The following PALM2AKAP2 variants were observed in gnomAD, a reference collection of about 807,000 sequenced individuals.
The protein encoded by PALM2AKAP2 is PALM2-AKAP2 fusion protein.
PALM2AKAP2 carries 37 observed loss-of-function variants against 71.5 expected under a neutral mutation model. The observed-to-expected ratio is 0.52, with a 90% CI of 0.40 to 0.68. PALM2AKAP2 has a LOEUF of 0.68. Among genes scored for constraint, PALM2AKAP2 ranks in the 30% least tolerant of loss-of-function variants. PALM2AKAP2 has a pLI of 0.00. For synonymous variants in PALM2AKAP2, 468 were observed against 478.8 expected (o/e 0.98, Z 0.29); for missense variants, 1,224 against 1,191.8 (o/e 1.03, Z -0.40).
chr9:109,674,878 A>T (rs1354657910), intron 1 of PALM2AKAP2, among the ~76,000 whole-genome samples: 1 of 151,846 alleles, frequency 6.6e-6, no homozygotes, highest in Non-Finnish European at 1.5e-5. Context: ...TTGACTTATA[A>T]TTTTTTTTAC....
chr9:109,676,858 T>C (rs993568882), intron 1 of PALM2AKAP2, among the ~76,000 whole-genome samples: 1 of 152,216 alleles, frequency 6.6e-6, no homozygotes, highest in Non-Finnish European at 1.5e-5. Context: ...GTTGTGTGTA[T>C]GCATTAAGCA....
At chr9:109,642,093 G>C (rs7872748) in intron 1 of PALM2AKAP2, among the ~76,000 whole-genome samples, 31,527 of 152,034 alleles carry the variant, frequency 0.21, 3,336 homozygotes, top group African/African-American at 0.27. Context: ...GCATTATTGA[G>C]AGGATCATGT....
chr9:109,825,060 C>A (rs760381886), intron 1 of PALM2AKAP2, among the ~76,000 whole-genome samples: 2 of 152,100 alleles, frequency 1.3e-5, no homozygotes, highest in South Asian at 2.1e-4. Flanking sequence ...TACACATTTC[C>A]AAAGAATTTA....
intron 1 of PALM2AKAP2, among the ~76,000 whole-genome samples, chr9:109,803,103 G>GA (rs66989853): frequency 9.3e-5 from 14 of 150,474 alleles, no homozygotes; most frequent in South Asian, 4.2e-4. Context: ...GGTTTTTGGG[G>GA]AAAAAAAAAG....
chr9:109,891,910 G>A (rs1830099329), intron 3 of PALM2AKAP2, among the ~76,000 whole-genome samples: 2 of 152,156 alleles, frequency 1.3e-5, no homozygotes, highest in Admixed American at 1.3e-4. Flanking sequence ...CTCCCTGGAT[G>A]GAGGGTGAAG....
intron 1 of PALM2AKAP2, among the ~76,000 whole-genome samples, chr9:109,671,484 C>G (rs1827571886): frequency 6.6e-6 from 1 of 152,062 alleles, no homozygotes; most frequent in Non-Finnish European, 1.5e-5. Context: ...GTACCAGTAC[C>G]ATGTTGTTTT....
chr9:109,673,451 C>T (rs1414813955), intron 1 of PALM2AKAP2, among the ~76,000 whole-genome samples: 1 of 152,012 alleles, frequency 6.6e-6, no homozygotes, highest in Non-Finnish European at 1.5e-5. Flanking sequence ...AATTTGATTG[C>T]TCTGTAGTCT....
At chr9:109,990,131 G>A (rs955392184) in intron 6 of PALM2AKAP2, among the ~76,000 whole-genome samples, 1 of 148,992 alleles carries the variant, frequency 6.7e-6, no homozygotes, top group Non-Finnish European at 1.5e-5. Flanking sequence ...GAGTGCAGTG[G>A]TATGATTTTG....
intron 1 of PALM2AKAP2, among the ~76,000 whole-genome samples, chr9:109,695,852 A>G (rs950784565): frequency 2.0e-5 from 3 of 152,178 alleles, no homozygotes; most frequent in African/African-American, 7.2e-5. Context: ...AGAGTAGAAC[A>G]GTGGTTACCA....
At chr9:109,852,448 C>T (rs1483478155) in intron 1 of PALM2AKAP2, among the ~76,000 whole-genome samples, 27 of 152,178 alleles carry the variant, frequency 1.8e-4, no homozygotes, top group Non-Finnish European at 7.3e-5. Context: ...TGTTGATGGG[C>T]ACCCGGTTGA....
At chr9:109,653,095 C>T (rs1827247784) in intron 1 of PALM2AKAP2, among the ~76,000 whole-genome samples, 1 of 152,150 alleles carries the variant, frequency 6.6e-6, no homozygotes, top group Admixed American at 6.5e-5. Context: ...CCGACTTAAC[C>T]TTCAACTCTT....
At chr9:109,681,280 G>T (rs1021135291) in intron 1 of PALM2AKAP2, among the ~76,000 whole-genome samples, 4 of 152,210 alleles carry the variant, frequency 2.6e-5, no homozygotes, top group Non-Finnish European at 5.9e-5. Context: ...ATAGGAAAGA[G>T]AGAGCTCTCA....
At chr9:109,692,175 T>G (rs777254500) in intron 1 of PALM2AKAP2, among the ~76,000 whole-genome samples, 1 of 151,458 alleles carries the variant, frequency 6.6e-6, no homozygotes, top group Non-Finnish European at 1.5e-5. Context: ...CATAAAGTTG[T>G]GCAAAAATCA....
Position 109,838,069 on chromosome 9 carries a change from A to G in PALM2AKAP2, c.46-29422A>G, listed in dbSNP as rs574170043. ...GAACTCTCCACCCCAAATCAACAGA[A>G]TATAATTATTCTCAGCACCACATCA... On this transcript the variant is annotated intron_variant, in intron 1 of 9. Coordinates refer to the PALM2AKAP2 transcript ENST00000302798. Among the ~76,000 whole-genome samples the G allele has an allele frequency of 7.4e-3, 388 of 52,534 alleles. 4 individuals carry two copies. The highest frequency in any genetic ancestry group is 0.039 in the African/African-American group (363 of 9,290). 34.5% of individuals were successfully genotyped at this position (52,534 alleles called of 152,430 possible). A position where few individuals can be genotyped will look rare whatever the true frequency, so the allele number is the denominator to read the frequency against.
At chr9:110,037,482 A>G (rs1438014748) in intron 7 of PALM2AKAP2, among the ~76,000 whole-genome samples, 1 of 152,244 alleles carries the variant, frequency 6.6e-6, no homozygotes, top group Non-Finnish European at 1.5e-5. Context: ...CTGGGATTAC[A>G]GGCGTGAGCC....
At chr9:109,752,750 C>T (rs1412338399) in intron 1 of PALM2AKAP2, among the ~76,000 whole-genome samples, 1 of 151,976 alleles carries the variant, frequency 6.6e-6, no homozygotes, top group Non-Finnish European at 1.5e-5. Context: ...TGATAAGAAC[C>T]ACTTCATTTT....
intron 2 of PALM2AKAP2, among the ~76,000 whole-genome samples, chr9:110,149,562 C>G (rs1265088982): frequency 6.6e-6 from 1 of 152,216 alleles, no homozygotes; most frequent in East Asian, 1.9e-4. Flanking sequence ...TAGATTTTCT[C>G]CATGCCCATA....
chr9:110,043,035 T>G (rs1833535426), intron 7 of PALM2AKAP2, among the ~76,000 whole-genome samples: 1 of 152,182 alleles, frequency 6.6e-6, no homozygotes, highest in Admixed American at 6.5e-5. Flanking sequence ...TAATCATCCC[T>G]ACTCCTCTGC....
At chr9:109,720,412 G>A (rs370816502) in intron 1 of PALM2AKAP2, among the ~76,000 whole-genome samples, 1 of 152,222 alleles carries the variant, frequency 6.6e-6, no homozygotes, top group Non-Finnish European at 1.5e-5. Context: ...TACCTCTGAA[G>A]CATCTGAATG....
Sources: gnomAD v4.1 joint callset for allele counts (sites outside exome capture counted in the v4.1 genomes callset) on GRCh38, gnomAD v4.1.1 for gene constraint, MANE v1.5 for transcripts, NCBI Gene and HGNC (gene_info 2026-07-23, HGNC 2026-07-21) for gene names.